Variants in GNG2 observed in about 807,000 individuals in gnomAD.
GNG2 encodes G protein subunit gamma 2.
A neutral mutation model predicts 5.5 loss-of-function variants in GNG2; 5 were observed. That is an observed-to-expected ratio of 0.91 (90% confidence interval 0.48 to 1.92). The LOEUF (loss-of-function observed/expected upper bound fraction) is 1.92. Ranked by LOEUF, GNG2 falls within the 30% of genes most tolerant of loss-of-function variation. The pLI is 0.01. For missense variants in GNG2, 55 were observed against 88.4 expected (o/e 0.62, Z 1.52); for synonymous variants, 28 against 32.0 (o/e 0.88, Z 0.42).
chr14:51,915,650 A>G (rs1003562734), intron 2 of GNG2, among the ~76,000 whole-genome samples: 1 of 152,228 alleles, frequency 6.6e-6, no homozygotes, highest in Non-Finnish European at 1.5e-5. Flanking sequence ...CCCAGCCCTT[A>G]AACGATTTCC....
At chr14:51,952,863 A>G (rs1889070194) in intron 3 of GNG2, among the ~76,000 whole-genome samples, 1 of 152,152 alleles carries the variant, frequency 6.6e-6, no homozygotes, top group Non-Finnish European at 1.5e-5. Context: ...CTAAAAGAAA[A>G]TCTAATTACA....
intron 2 of GNG2, among the ~76,000 whole-genome samples, chr14:51,897,218 C>G (rs1339080572): frequency 6.6e-6 from 1 of 152,188 alleles, no homozygotes; most frequent in East Asian, 1.9e-4. Flanking sequence ...GCTTTGTTAG[C>G]ACTAACTAGA....
At chr14:51,861,701 T>C (rs189097015) in intron 1 of GNG2, among the ~76,000 whole-genome samples, 14 of 152,370 alleles carry the variant, frequency 9.2e-5, no homozygotes, top group African/African-American at 3.1e-4. Flanking sequence ...TGTTCATATT[T>C]ATGAATGATA....
At chr14:51,902,718 ACTGT>A (rs1885648560) in intron 2 of GNG2, among the ~76,000 whole-genome samples, 1 of 152,046 alleles carries the variant, frequency 6.6e-6, no homozygotes, top group Non-Finnish European at 1.5e-5. Flanking sequence ...ATAGAGAGAC[ACTGT>A]CTGTACAAAA....
chr14:51,876,972 A>G lies in GNG2; in HGVS notation c.-70-645A>G, dbSNP rs141575963. Among the ~76,000 whole-genome samples the G allele has an allele frequency of 7.7e-3, 1,167 of 152,272 alleles. 11 individuals carry two copies. Among genetic ancestry groups the G allele is most frequent in the Middle Eastern group, 0.014 (4 of 294 alleles). On this transcript the variant is annotated intron_variant, in intron 1 of 3. Transcript: ENST00000556766. ...AATAAAGAAGCTCATCTACACAGGA[A>G]CTTTCTCCCGTAGGAACCACACTCG...
intron 2 of GNG2, among the ~76,000 whole-genome samples, chr14:51,904,990 A>G (rs1885819948): frequency 6.6e-6 from 1 of 152,248 alleles, no homozygotes; most frequent in Non-Finnish European, 1.5e-5. Flanking sequence ...AAATGGAAAT[A>G]TATCTACACT....
intron 1 of GNG2, among the ~76,000 whole-genome samples, chr14:51,871,074 GA>G (rs1174720978): frequency 6.6e-6 from 1 of 150,924 alleles, no homozygotes; most frequent in Non-Finnish European, 1.5e-5. Flanking sequence ...AACCATATAA[GA>G]AAAATTGTGA....
Position 51,860,721 on chromosome 14 carries a change from A to AGCTC in GNG2, c.-137_-134dup, listed in dbSNP as rs1341306605. 11 of 153,016 alleles carry AGCTC rather than the reference A, an allele frequency of 7.2e-5. No homozygotes were observed. In the Admixed American group the frequency reaches 7.2e-4, roughly 10 times the overall value. The allele number at this position is 153,016 out of a possible 1,614,324, so 9.5% of individuals were successfully genotyped here. On this transcript the variant is annotated 5_prime_UTR_variant, in exon 1 of 4. Transcript: ENST00000556766. ...GCTGGGCTGGGCTGGGCTGCGCCGGAGCTCGCCTGCACAGATCAGCTCCGG... is the reference window on the plus strand; with the variant it reads ...GCTGGGCTGGGCTGGGCTGCGCCGGAGCTCGCTCGCCTGCACAGATCAGCTCCGG...
intron 2 of GNG2, among the ~76,000 whole-genome samples, chr14:51,853,809 T>C (rs1882022555): frequency 6.6e-6 from 1 of 152,194 alleles, no homozygotes. Context: ...GTGCACAGTG[T>C]TCTCTAACCT....
At chr14:51,886,693 G>A (rs1371870034) in intron 2 of GNG2, among the ~76,000 whole-genome samples, 1 of 152,132 alleles carries the variant, frequency 6.6e-6, no homozygotes, top group Non-Finnish European at 1.5e-5. Context: ...TCCAGGAAAG[G>A]GATATAGCCA....
At chr14:51,828,884 G>A (rs541829609) in intron 2 of GNG2, among the ~76,000 whole-genome samples, 4 of 152,198 alleles carry the variant, frequency 2.6e-5, no homozygotes, top group South Asian at 2.1e-4. Flanking sequence ...CTACCTCCCC[G>A]CTGCCTGGCA....
intron 3 of GNG2, among the ~76,000 whole-genome samples, chr14:51,962,384 G>A (rs1889667448): frequency 6.6e-6 from 1 of 152,128 alleles, no homozygotes; most frequent in African/African-American, 2.4e-5. Flanking sequence ...GTATCTATCA[G>A]TGGCCAAGTC....
chr14:51,936,957 A>G (rs1169479701), intron 2 of GNG2, among the ~76,000 whole-genome samples: 1 of 152,164 alleles, frequency 6.6e-6, no homozygotes, highest in Non-Finnish European at 1.5e-5. Flanking sequence ...CTTTCACCCA[A>G]ATAAACAGCC....
intron 2 of GNG2, among the ~76,000 whole-genome samples, chr14:51,848,921 C>T (rs559249186): frequency 2.0e-5 from 3 of 152,226 alleles, no homozygotes; most frequent in East Asian, 1.9e-4. Flanking sequence ...AATCAGAGAT[C>T]GAGGGAGTTG....
chr14:51,918,291 G>A, intron 2 of GNG2, among the ~76,000 whole-genome samples: 1 of 152,072 alleles, frequency 6.6e-6, no homozygotes, highest in East Asian at 1.9e-4. Context: ...GCAAAGAGCT[G>A]CTTCTGGCCA....
intron 2 of GNG2, among the ~76,000 whole-genome samples, chr14:51,927,734 G>C (rs1887414190): frequency 6.6e-6 from 1 of 152,224 alleles, no homozygotes; most frequent in Admixed American, 6.5e-5. Flanking sequence ...AGTAGGCCCA[G>C]AGGGCTGGCA....
chr14:51,872,337 ATGTAT>A (rs1883363261), intron 1 of GNG2, among the ~76,000 whole-genome samples: 1 of 146,742 alleles, frequency 6.8e-6, no homozygotes, highest in Non-Finnish European at 1.5e-5. Flanking sequence ...TGTGTGTGTA[ATGTAT>A]TATATGTTAG....
intron 3 of GNG2, among the ~76,000 whole-genome samples, chr14:51,964,261 C>T (rs1889774961): frequency 6.6e-6 from 1 of 152,198 alleles, no homozygotes; most frequent in South Asian, 2.1e-4. Flanking sequence ...TCAGACCCTC[C>T]AGAAGGGACC....
At chr14:51,938,254 T>C (rs535677939) in intron 2 of GNG2, among the ~76,000 whole-genome samples, 85 of 152,368 alleles carry the variant, frequency 5.6e-4, no homozygotes, top group African/African-American at 2.0e-3. Flanking sequence ...TCTTGCTTAA[T>C]AGAGTCACAG....
Sources: allele counts gnomAD v4.1 joint callset (sites outside exome capture counted in the v4.1 genomes callset), GRCh38; gene constraint gnomAD v4.1.1; transcripts MANE v1.5; gene names NCBI Gene and HGNC (gene_info 2026-07-23, HGNC 2026-07-21).